The following PAFAH1B2 variants were observed in gnomAD, a reference collection of about 807,000 sequenced individuals.
PAFAH1B2 encodes the protein platelet activating factor acetylhydrolase 1b catalytic subunit 2.
A neutral mutation model predicts 28.0 loss-of-function variants in PAFAH1B2; 8 were observed. The observed-to-expected ratio is 0.29, with a 90% CI of 0.17 to 0.52. The LOEUF (loss-of-function observed/expected upper bound fraction) is 0.52. Ranked by LOEUF, PAFAH1B2 falls within the 20% of genes least tolerant of loss-of-function variation. The pLI, the probability that PAFAH1B2 is intolerant of heterozygous loss-of-function variation, is 0.97. For missense variants in PAFAH1B2, 190 were observed against 282.6 expected, an observed-to-expected ratio of 0.67 and a Z score of 2.35; for synonymous variants, 104 against 103.2, an observed-to-expected ratio of 1.01 and a Z score of -0.05.
intron 1 of PAFAH1B2, among the ~76,000 whole-genome samples, chr11:117,145,767 C>T (rs1283149044): frequency 1.3e-5 from 2 of 152,196 alleles, no homozygotes; most frequent in Non-Finnish European, 2.9e-5. Context: ...AGTGGAAACT[C>T]TAAATCTTTT....
chr11:117,174,817 G>A, downstream of PAFAH1B2: 1 of 876,668 alleles, frequency 1.1e-6, no homozygotes, highest in East Asian at 3.0e-5. Context: ...CTTTTACCAT[G>A]TTGGCCAGGC....
chr11:117,147,344 C>G (rs1394829145), intron 1 of PAFAH1B2, among the ~76,000 whole-genome samples: 1 of 152,044 alleles, frequency 6.6e-6, no homozygotes, highest in African/African-American at 2.4e-5. Flanking sequence ...AGTGCAGTGG[C>G]GCACCACCAC....
At chr11:117,147,352 C>G (rs1297938068) in intron 1 of PAFAH1B2, among the ~76,000 whole-genome samples, 2 of 152,106 alleles carry the variant, frequency 1.3e-5, no homozygotes, top group Admixed American at 6.6e-5. Context: ...GGCGCACCAC[C>G]ACCCCCAGCT....
downstream of PAFAH1B2, among the ~76,000 whole-genome samples, chr11:117,172,722 T>C (rs564885902): frequency 1.3e-5 from 2 of 152,160 alleles, no homozygotes; most frequent in African/African-American, 2.4e-5. Context: ...TTTTATTTTT[T>C]GGAAACAGTC....
intron 4 of PAFAH1B2, 65 bp downstream of exon 4, chr11:117,161,326 GA>G: frequency 9.6e-7 from 1 of 1,042,408 alleles, no homozygotes; most frequent in South Asian, 1.7e-5. Context: ...TAAATTGTCT[GA>G]AACTGTAAAA....
rs11860 is a variant in PAFAH1B2, at chr11:117,170,600, C to T, written c.*2901C>T. The T allele has an allele frequency of 3.8e-5, 40 of 1,051,216 alleles. No individual in the cohort carries two copies. Among genetic ancestry groups the T allele is most frequent in the Non-Finnish European group, 4.3e-5 (38 of 873,684 alleles). The allele number at this position is 1,051,216 out of a possible 1,614,324, so 65.1% of individuals were successfully genotyped here. Reference sequence around the variant, plus strand: ...CAAAACAAATCTTGAGTAGCTCATGCCCGGCTCTTAGGAATTTTGTCTGTT... The same window carrying T: ...CAAAACAAATCTTGAGTAGCTCATGTCCGGCTCTTAGGAATTTTGTCTGTT... On this transcript the variant is annotated 3_prime_UTR_variant, in exon 6 of 6. Coordinates refer to ENST00000527958, the MANE Select transcript of PAFAH1B2 (RefSeq NM_002572.4).
intron 1 of PAFAH1B2, among the ~76,000 whole-genome samples, chr11:117,144,805 T>C (rs1380135176): frequency 1.4e-5 from 2 of 145,756 alleles, no homozygotes; most frequent in Non-Finnish European, 3.0e-5. Context: ...GCACCCCAGC[T>C]CGCCCCGGCT....
At position 117,170,178 on chromosome 11, in the gene PAFAH1B2, A is replaced by G. The variant is rs1165675897; in HGVS notation, c.*2479A>G. 9.5e-7 allele frequency: 1 copy of G among 1,056,232 alleles called. No homozygotes were observed. The highest frequency in any genetic ancestry group is 1.1e-6 in the Non-Finnish European group (1 of 873,642). The allele number at this position is 1,056,232 out of a possible 1,614,324, so 65.4% of individuals were successfully genotyped here. On this transcript the variant is annotated 3_prime_UTR_variant, in exon 6 of 6. Transcript: ENST00000527958. ...CATCCTAGTTTGCGTCAGTGACAGA[A>G]CTTACTGCTTAGTCTTTGTACTTTT... is the stretch of plus-strand genomic sequence containing the variant.
At chr11:117,150,618 AACT>A (rs1433526905) in intron 1 of PAFAH1B2, among the ~76,000 whole-genome samples, 3 of 152,130 alleles carry the variant, frequency 2.0e-5, no homozygotes, top group South Asian at 2.1e-4. Context: ...GATTCTAAAA[AACT>A]ACTGCTTTGG....
chr11:117,146,041 TAC>T lies in PAFAH1B2; in HGVS notation c.-8+1625_-8+1626del, dbSNP rs1259400909. Among the ~76,000 whole-genome samples, 4 of 151,980 alleles carry T rather than the reference TAC, an allele frequency of 2.6e-5. No homozygotes were observed. In the East Asian group the frequency reaches 7.7e-4, roughly 29 times the overall value. On this transcript the variant is annotated intron_variant, in intron 1 of 5. Coordinates refer to ENST00000527958, the MANE Select transcript of PAFAH1B2 (RefSeq NM_002572.4). ...ATGGACAACAAAGCTTCCCCTGGAGTACAGTCTGTTGTGGCAAATTAACAAAA... is the reference window on the plus strand; with the variant it reads ...ATGGACAACAAAGCTTCCCCTGGAGTAGTCTGTTGTGGCAAATTAACAAAA...
At chr11:117,172,381 TATATATATATATATATA>T (rs1956680949), downstream of PAFAH1B2, among the ~76,000 whole-genome samples, 100 of 5,444 alleles carry the variant, frequency 0.018, 3 homozygotes, top group East Asian at 0.027. Context: ...TATATATATA[TATATATATATATATATA>T]TATATATTTT....
At chr11:117,158,130 T>G (rs894440074) in intron 2 of PAFAH1B2, among the ~76,000 whole-genome samples, 2 of 152,166 alleles carry the variant, frequency 1.3e-5, no homozygotes, top group African/African-American at 4.8e-5. Context: ...AAAGTGAGAT[T>G]CCATCTCCAA....
At position 117,169,450 on chromosome 11, in the gene PAFAH1B2, A is replaced by G. The variant is rs529945944; in HGVS notation, c.*1751A>G. On this transcript the variant is annotated 3_prime_UTR_variant, in exon 6 of 6. Coordinates refer to ENST00000527958, the MANE Select transcript of PAFAH1B2 (RefSeq NM_002572.4). ...ATTCCGCTTAATGTTTAAATTCAGT[A>G]ACGTACTTGAAAGGCAAATTTCAGT... The G allele has an allele frequency of 8.1e-5, 85 of 1,050,526 alleles. 1 individual carries two copies. In the African/African-American group the frequency reaches 1.1e-3, roughly 14 times the overall value. The allele number at this position is 1,050,526 out of a possible 1,614,324, so 65.1% of individuals were successfully genotyped here.
In PAFAH1B2 at chr11:117,167,499, C is replaced by T; in HGVS notation, c.490C>T (p.Leu164=). ...AKVNQLLKVS[L]PKLANVQLLD... ...GGTGAACCAACTCCTCAAGGTTTCGCTGCCGAAGCTTGCCAACGTGCAGCT... is the reference window on the plus strand; with the variant it reads ...GGTGAACCAACTCCTCAAGGTTTCGTTGCCGAAGCTTGCCAACGTGCAGCT... Residue 164 remains leucine, a synonymous_variant, in exon 6 of 6, where the codon CTG becomes TTG. Coordinates refer to ENST00000527958, the MANE Select transcript of PAFAH1B2 (RefSeq NM_002572.4). The T allele has an allele frequency of 6.2e-7, 1 of 1,612,214 alleles. No homozygotes were observed. Among genetic ancestry groups the T allele is most frequent in the African/African-American group, 1.3e-5 (1 of 75,036 alleles).
chr11:117,163,460 T>G (rs1001287262), intron 4 of PAFAH1B2, among the ~76,000 whole-genome samples: 1 of 151,750 alleles, frequency 6.6e-6, no homozygotes, highest in African/African-American at 2.4e-5. Flanking sequence ...TTACCTGAGG[T>G]CAGGAGTTTG....
chr11:117,172,386 ATATATATATATATATATATTTTTTTTTTT>A (rs1277175556), downstream of PAFAH1B2, among the ~76,000 whole-genome samples: 56 of 1,872 alleles, frequency 0.03, 3 homozygotes, highest in Non-Finnish European at 0.052. Flanking sequence ...ATATATATAT[ATATATATATATATATATATTTTTTTTTTT>A]TTTTTTTTTT....
intron 2 of PAFAH1B2, chr11:117,159,278 G>A (rs927656933): frequency 6.6e-6 from 1 of 152,164 alleles, no homozygotes; most frequent in Non-Finnish European, 1.5e-5. Flanking sequence ...TGTATGGTAA[G>A]GGTGAGAAGA....
chr11:117,177,053 C>G (rs535060091), downstream of PAFAH1B2, among the ~76,000 whole-genome samples: 12 of 151,948 alleles, frequency 7.9e-5, no homozygotes, highest in East Asian at 1.9e-3. Flanking sequence ...ACCAAAAATA[C>G]AAAAATTAGC....
chr11:117,148,668 G>A (rs1956071158), intron 1 of PAFAH1B2, among the ~76,000 whole-genome samples: 1 of 152,104 alleles, frequency 6.6e-6, no homozygotes, highest in Non-Finnish European at 1.5e-5. Context: ...TGTGCCTGTA[G>A]TCCCAGCTAC....
Sources: gnomAD v4.1 joint callset for allele counts (sites outside exome capture counted in the v4.1 genomes callset) on GRCh38, gnomAD v4.1.1 for gene constraint, MANE v1.5 for transcripts, NCBI Gene and HGNC (gene_info 2026-07-23, HGNC 2026-07-21) for gene names.